NAV2: variants seen among roughly 807,000 people sequenced by gnomAD.
NAV2 encodes the protein helicase, APC down-regulated 1.
In NAV2, 54 loss-of-function variants were observed where a neutral mutation model predicts 223.2. The observed-to-expected ratio is 0.24, with a 90% confidence interval of 0.19 to 0.30. NAV2 has a LOEUF of 0.30. NAV2 is among the 10% of genes least tolerant of loss of function. The pLI is 1.00. For synonymous variants in NAV2, 1,279 were observed against 1,239.3 expected (o/e 1.03, Z -0.67); for missense variants, 2,806 against 3,147.5 (o/e 0.89, Z 2.60).
rs79043237 is a variant in NAV2 at position 19,998,444 on chromosome 11, C to T, written c.2768+14197C>T. ...GTTCTCCACCCAGAAGCTATTGTAA[C>T]CTTAACATATACATCAGATCTCCTC... is the stretch of plus-strand genomic sequence containing the variant. On this transcript the variant is annotated intron_variant, in intron 11 of 37. Coordinates refer to ENST00000349880, the MANE Select transcript of NAV2 (RefSeq NM_145117.5). The surrounding 1 kb of genome is among the most constrained non-coding windows in gnomAD (Gnocchi z 5.0). 0.027 allele frequency among the ~76,000 whole-genome samples: 4,119 copies of T among 152,186 alleles called. 79 individuals are homozygous for T. Among genetic ancestry groups the T allele is most frequent in the South Asian group, 0.064 (307 of 4,814 alleles).
At chr11:19,740,263 G>A (rs2052676703) in intron 1 of NAV2, among the ~76,000 whole-genome samples, 2 of 152,262 alleles carry the variant, frequency 1.3e-5, no homozygotes, top group South Asian at 4.1e-4. Context: ...GGGACATTGT[G>A]GGCAAAGACA....
intron 1 of NAV2, among the ~76,000 whole-genome samples, chr11:19,730,594 C>G (rs2051684860): frequency 6.6e-6 from 1 of 152,230 alleles, no homozygotes; most frequent in South Asian, 2.1e-4. Flanking sequence ...TCCGAAATGC[C>G]AGCTTTGCTT....
At chr11:20,024,555 G>T (rs1000957454) in intron 11 of NAV2, among the ~76,000 whole-genome samples, 2 of 152,210 alleles carry the variant, frequency 1.3e-5, no homozygotes, top group South Asian at 2.1e-4. Flanking sequence ...TCACATGTGT[G>T]CTGGAGGTGC....
chr11:19,662,574 CAT>C (rs1414104199), intron 1 of NAV2, among the ~76,000 whole-genome samples: 3 of 152,260 alleles, frequency 2.0e-5, no homozygotes, highest in African/African-American at 7.2e-5. Flanking sequence ...CTAACCACCA[CAT>C]GTCAGGCAGC....
At chr11:19,603,166 G>C (rs1409431740) in intron 1 of NAV2, among the ~76,000 whole-genome samples, 1 of 152,216 alleles carries the variant, frequency 6.6e-6, no homozygotes, top group Non-Finnish European at 1.5e-5. Flanking sequence ...TCCACTGGTG[G>C]TTCTCGAGTG....
chr11:19,897,180 C>T (rs1181806272), intron 6 of NAV2, among the ~76,000 whole-genome samples: 1 of 151,774 alleles, frequency 6.6e-6, no homozygotes, highest in Non-Finnish European at 1.5e-5. Flanking sequence ...GGGAATTGAA[C>T]AATGAGAACA....
Position 19,933,375 on chromosome 11 carries a change from G to C in NAV2, c.1131G>C (p.Lys377Asn), listed in dbSNP as rs747326873. Reference protein sequence around the residue: ...HSATVSMLSVKPPGPEAPRPT... With the variant: ...HSATVSMLSVNPPGPEAPRPT... ...CCACGGTATCCATGCTCTCGGTCAA[G>C]CCTCCTGGGCCTGAGGCCCCCAGGC... Residue 377 changes from lysine (K) to asparagine (N), a missense_variant, in exon 7 of 38, where the codon AAG (lysine) becomes AAC (asparagine). Physicochemically the swap from Lys to Asn is moderately conservative, Grantham distance 94. Coordinates refer to ENST00000349880, the MANE Select transcript of NAV2 (RefSeq NM_145117.5). This position sits in a 1 kb window ranked among gnomAD's most constrained non-coding sequence, Gnocchi z 4.3. 18 of 1,586,532 alleles carry C rather than the reference G, an allele frequency of 1.1e-5. No individual in the cohort carries two copies. The highest frequency in any genetic ancestry group is 1.5e-5 in the Non-Finnish European group (18 of 1,165,274).
chr11:19,787,924 G>T (rs1210183622), intron 1 of NAV2, among the ~76,000 whole-genome samples: 1 of 152,084 alleles, frequency 6.6e-6, no homozygotes, highest in African/African-American at 2.4e-5. Context: ...GCTTTTCCTG[G>T]CTCAGAGAGA....
intron 11 of NAV2, among the ~76,000 whole-genome samples, chr11:20,009,239 C>A (rs2053360716): frequency 6.6e-6 from 1 of 152,194 alleles, no homozygotes; most frequent in South Asian, 2.1e-4. Context: ...CCTGAGCTTA[C>A]TTACTCAAAT....
chr11:19,585,195 T>C (rs1316480220), intron 1 of NAV2, among the ~76,000 whole-genome samples: 1 of 152,228 alleles, frequency 6.6e-6, no homozygotes, highest in African/African-American at 2.4e-5. Flanking sequence ...GAGACTAGGA[T>C]TGCAACCCCT....
chr11:20,111,538 G>A (rs764327236), intron 36 of NAV2, among the ~76,000 whole-genome samples: 3 of 152,332 alleles, frequency 2.0e-5, no homozygotes, highest in African/African-American at 4.8e-5. Flanking sequence ...TGTACCTAAT[G>A]TGCATTTGTC....
intron 1 of NAV2, among the ~76,000 whole-genome samples, chr11:19,486,387 T>C (rs372276643): frequency 6.6e-6 from 1 of 152,300 alleles, no homozygotes; most frequent in East Asian, 1.9e-4. Flanking sequence ...GGTTTGGCTA[T>C]GTCCCCACCC....
rs983236975 is a variant in NAV2, at chr11:19,715,190, C to T, written c.267+1228C>T. Among the ~76,000 whole-genome samples, 6 of 152,184 alleles carry T rather than the reference C, an allele frequency of 3.9e-5. 2 individuals are homozygous for T. The highest frequency in any genetic ancestry group is 3.9e-4 in the Admixed American group (6 of 15,284). ...TCTGGGCTGGAGAAGGCCCTCAAAGCAGATTAAGCTCCCACACCAGGCTGA... is the reference window on the plus strand; with the variant it reads ...TCTGGGCTGGAGAAGGCCCTCAAAGTAGATTAAGCTCCCACACCAGGCTGA... On this transcript the variant is annotated intron_variant, in intron 1 of 37. Transcript: ENST00000349880.
intron 1 of NAV2, among the ~76,000 whole-genome samples, chr11:19,529,874 A>G (rs1018489222): frequency 1.3e-5 from 2 of 152,244 alleles, no homozygotes; most frequent in Non-Finnish European, 2.9e-5. Context: ...TTAGAGTGGA[A>G]CACAAAGCGT....
intron 1 of NAV2, among the ~76,000 whole-genome samples, chr11:19,352,734 A>G (rs113962196): frequency 9.2e-5 from 14 of 152,352 alleles, no homozygotes; most frequent in African/African-American, 3.4e-4. Context: ...ATTACATTTC[A>G]TCTTCTACTG....
intron 1 of NAV2, among the ~76,000 whole-genome samples, chr11:19,739,230 A>T (rs11025230): frequency 6.6e-6 from 1 of 152,190 alleles, no homozygotes; most frequent in Non-Finnish European, 1.5e-5. Context: ...CTTCCCTTGT[A>T]ATCCTCCCAA....
intron 1 of NAV2, among the ~76,000 whole-genome samples, chr11:19,472,239 G>C (rs2041986370): frequency 6.6e-6 from 1 of 152,158 alleles, no homozygotes. Context: ...CTACGGTATA[G>C]AGGATAAGCA....
rs902397920 is a variant in NAV2, at chr11:20,049,052, C to T, written c.4227C>T (p.Thr1409=). 2 of 1,614,114 alleles carry T rather than the reference C, an allele frequency of 1.2e-6. No individual in the cohort carries two copies. Among genetic ancestry groups the T allele is most frequent in the African/African-American group, 1.3e-5 (1 of 75,006 alleles). ...TTCAGTCTGTCAGCAGCCTCCACACCAGCTGTGAGTCCATCGACATCTCCC... is the reference window on the plus strand; with the variant it reads ...TTCAGTCTGTCAGCAGCCTCCACACTAGCTGTGAGTCCATCGACATCTCCC... ...LGFQSVSSLH[T]SCESIDISLS... Residue 1409 remains threonine, a synonymous_variant, in exon 15 of 38, where the codon ACC becomes ACT. Transcript: ENST00000349880.
At chr11:19,840,430 A>G (rs1217736578) in intron 2 of NAV2, among the ~76,000 whole-genome samples, 5 of 152,206 alleles carry the variant, frequency 3.3e-5, no homozygotes, top group African/African-American at 7.2e-5. Context: ...CAAATGACTT[A>G]TTAGGATCAC....
Sources: allele counts gnomAD v4.1 joint callset (sites outside exome capture counted in the v4.1 genomes callset), GRCh38; gene constraint gnomAD v4.1.1; non-coding constraint Gnocchi (gnomAD v3.1); transcripts MANE v1.5; gene names NCBI Gene and HGNC (gene_info 2026-07-23, HGNC 2026-07-21).